ADGRD1: variants seen among roughly 807,000 people sequenced by gnomAD.
ADGRD1 encodes adhesion G protein-coupled receptor D1, also known as G-protein coupled receptor 133.
In ADGRD1, 77 loss-of-function variants were observed where a neutral mutation model predicts 113.4. The ratio of observed to expected loss-of-function variants is 0.68; its 90% CI spans 0.57 to 0.82. The LOEUF is 0.82. Ranked by LOEUF, ADGRD1 falls within the 40% of genes least tolerant of loss-of-function variation. ADGRD1 has a pLI of 0.00. For missense variants in ADGRD1, 1,036 were observed against 1,139.1 expected (o/e 0.91, Z 1.30); for synonymous variants, 474 against 475.0 (o/e 1.00, Z 0.03).
In ADGRD1 at chr12:130,987,360, G is replaced by A. The variant is rs1446417577; in HGVS notation, c.745+11G>A. 6.2e-7 allele frequency: 1 copy of A among 1,613,648 alleles called. No homozygotes were observed. The highest frequency in any genetic ancestry group is 1.1e-5 in the South Asian group (1 of 91,056). Reference sequence around the variant, plus strand: ...TCACTGCTGCCATTGGTCAGTGAGTGTGAAGGGCTGGGGCAGATCCGCTGT... The same window carrying A: ...TCACTGCTGCCATTGGTCAGTGAGTATGAAGGGCTGGGGCAGATCCGCTGT... On this transcript the variant is annotated intron_variant, in intron 6 of 24. Transcript: ENST00000261654.
At chr12:130,990,245 C>G (rs1461460710) in intron 6 of ADGRD1, 1 of 152,244 alleles carries the variant, frequency 6.6e-6, no homozygotes, top group South Asian at 2.1e-4. Context: ...CAACCCCACC[C>G]AAACCCAAGG....
intron 13 of ADGRD1, among the ~76,000 whole-genome samples, chr12:131,015,727 G>A (rs896507484): frequency 2.6e-5 from 4 of 152,198 alleles, no homozygotes; most frequent in African/African-American, 9.7e-5. Context: ...CCGTGAGCCT[G>A]TTTTCAGTGT....
chr12:131,126,055 G>A (rs563253681), intron 20 of ADGRD1, among the ~76,000 whole-genome samples: 160 of 152,294 alleles, frequency 1.1e-3, no homozygotes, highest in African/African-American at 3.1e-3. Context: ...ACATAGATAC[G>A]GATACCTAAA....
At chr12:131,116,633 CAG>C (rs1950470791) in intron 18 of ADGRD1, among the ~76,000 whole-genome samples, 1 of 152,212 alleles carries the variant, frequency 6.6e-6, no homozygotes, top group South Asian at 2.1e-4. Flanking sequence ...GCTACGGAGG[CAG>C]AGAGCCACAT....
intron 8 of ADGRD1, among the ~76,000 whole-genome samples, chr12:130,996,860 G>A (rs868352044): frequency 0.012 from 1,454 of 118,866 alleles, 22 homozygotes; most frequent in African/African-American, 0.026. Flanking sequence ...CCTCCCGGAC[G>A]GGGTGGCTGG....
chr12:131,014,285 T>G lies in ADGRD1; in HGVS notation c.1418T>G (p.Leu473Arg). 6.2e-7 allele frequency: 1 copy of G among 1,614,114 alleles called. No homozygotes were observed. Among genetic ancestry groups the G allele is most frequent in the Non-Finnish European group, 8.5e-7 (1 of 1,179,948 alleles). The change falls in exon 13 of 25, where the codon CTG (leucine) becomes CGG (arginine). Residue 473 changes from leucine (L) to arginine (R), a missense_variant. Transcript: ENST00000261654. ...ISLEVSPPPT[L>R]SQNLSGSPLI... is the part of the protein sequence containing the mutation. ...CTGGAGGTGTCCCCACCACCCACCC[T>G]GTCTCAGAACCTGTCGGGCTCTCCA...
At chr12:131,121,571 G>C (rs1403332261) in intron 20 of ADGRD1, among the ~76,000 whole-genome samples, 1 of 152,146 alleles carries the variant, frequency 6.6e-6, no homozygotes, top group Admixed American at 6.5e-5. Context: ...GTAGAGACGG[G>C]GTTTCACCGT....
intron 12 of ADGRD1, among the ~76,000 whole-genome samples, chr12:131,009,036 G>A (rs930283443): frequency 3.9e-5 from 6 of 152,252 alleles, no homozygotes; most frequent in African/African-American, 1.4e-4. Context: ...CGGGAGCAGG[G>A]TTGCGGGGCG....
chr12:131,104,075 C>T (rs1010117949), intron 15 of ADGRD1, among the ~76,000 whole-genome samples: 2 of 152,214 alleles, frequency 1.3e-5, no homozygotes, highest in Non-Finnish European at 2.9e-5. Context: ...CCGCTTAATC[C>T]CCAGGTGTGT....
chr12:131,087,884 AG>A (rs1455785663), intron 15 of ADGRD1, among the ~76,000 whole-genome samples: 1 of 152,214 alleles, frequency 6.6e-6, no homozygotes, highest in African/African-American at 2.4e-5. Flanking sequence ...ACCACACCAG[AG>A]GGCGGTGAAC....
chr12:130,970,371 G>A (rs1427209559), intron 3 of ADGRD1: 1 of 152,246 alleles, frequency 6.6e-6, no homozygotes, highest in East Asian at 1.9e-4. Context: ...GCAACCACTA[G>A]TGATCCATTT....
chr12:131,061,456 G>A (rs1056634508), intron 13 of ADGRD1, among the ~76,000 whole-genome samples: 4 of 152,146 alleles, frequency 2.6e-5, no homozygotes, highest in African/African-American at 4.8e-5. Flanking sequence ...GCCTGCCCAC[G>A]CTTGTGTTTC....
intron 20 of ADGRD1, among the ~76,000 whole-genome samples, chr12:131,129,671 T>C (rs1483702644): frequency 6.6e-6 from 1 of 152,140 alleles, no homozygotes; most frequent in Non-Finnish European, 1.5e-5. Context: ...TGGGGAAATC[T>C]CCACTCCCAA....
In ADGRD1 at chr12:131,096,884, C is replaced by T. The variant is rs11613786; in HGVS notation, c.1672-7947C>T. ...GCTGCCCGGCTCTGCCTCCCACGGC[C>T]GACCACTGTGCTGAGTTGCAGGTCT... is the stretch of plus-strand genomic sequence containing the variant. On this transcript the variant is annotated intron_variant, in intron 15 of 24. Transcript: ENST00000261654. The surrounding 1 kb of genome is among the most constrained non-coding windows in gnomAD (Gnocchi z 5.2). Among the ~76,000 whole-genome samples, 12,798 of 152,238 alleles carry T rather than the reference C, an allele frequency of 0.084. 670 individuals carry two copies. The highest frequency in any genetic ancestry group is 0.14 in the Middle Eastern group (41 of 294).
intron 9 of ADGRD1, chr12:131,002,955 A>C: frequency 1.4e-6 from 1 of 738,424 alleles, no homozygotes; most frequent in Non-Finnish European, 2.2e-6. Context: ...GGAGCCGGCG[A>C]TGGCTGGGGT....
At position 131,045,779 on chromosome 12, in the gene ADGRD1, C is replaced by T. The variant is rs548428113; in HGVS notation, c.1474-31022C>T. On this transcript the variant is annotated intron_variant, in intron 13 of 24. Transcript: ENST00000261654. ...AAGCACCACAGCTGCCGGCACCAGG[C>T]GGCCAGCGAGGGAGCTGCCCTGCGG... Among the ~76,000 whole-genome samples the T allele has an allele frequency of 3.0e-3, 458 of 152,248 alleles. 3 individuals are homozygous for T. The highest frequency in any genetic ancestry group is 5.0e-3 in the Non-Finnish European group (341 of 67,988).
chr12:131,089,239 G>A (rs1436910042), intron 15 of ADGRD1, among the ~76,000 whole-genome samples: 1 of 152,240 alleles, frequency 6.6e-6, no homozygotes, highest in Non-Finnish European at 1.5e-5. Context: ...AGTGAAGAGA[G>A]AACCTGGAAG....
chr12:131,061,226 G>A (rs555601157), intron 13 of ADGRD1, among the ~76,000 whole-genome samples: 139 of 152,316 alleles, frequency 9.1e-4, no homozygotes, highest in African/African-American at 3.2e-3. Context: ...GACTCAGGCT[G>A]GGAGTATGCC....
intron 13 of ADGRD1, among the ~76,000 whole-genome samples, chr12:131,051,201 T>C (rs1231637340): frequency 6.6e-6 from 1 of 152,200 alleles, no homozygotes; most frequent in Non-Finnish European, 1.5e-5. Flanking sequence ...GTCTCGCCCA[T>C]GTCCCGGGGT....
Sources: gnomAD v4.1 joint callset for allele counts (sites outside exome capture counted in the v4.1 genomes callset) on GRCh38, gnomAD v4.1.1 for gene constraint, Gnocchi (gnomAD v3.1) non-coding constraint, MANE v1.5 for transcripts, NCBI Gene and HGNC (gene_info 2026-07-23, HGNC 2026-07-21) for gene names.